SPPL3: variants seen among roughly 807,000 people sequenced by gnomAD.
SPPL3 encodes the protein signal peptide peptidase-like 3.
A neutral mutation model predicts 42.4 loss-of-function variants in SPPL3; 5 were observed. That is an observed-to-expected ratio of 0.12 (90% CI 0.06 to 0.25). SPPL3 has a LOEUF of 0.25. SPPL3 is among the 10% of genes least tolerant of loss of function. The probability of loss-of-function intolerance (pLI) is 1.00; values close to 1 mark genes in which losing one functional copy is unlikely to be tolerated. For synonymous variants in SPPL3, 195 were observed against 181.8 expected (o/e 1.07, Z -0.58); for missense variants, 235 against 489.0 (o/e 0.48, Z 4.90).
intron 1 of SPPL3, among the ~76,000 whole-genome samples, chr12:120,900,635 G>A (rs1353150148): frequency 1.3e-5 from 2 of 149,128 alleles, no homozygotes; most frequent in East Asian, 4.0e-4. Flanking sequence ...TGCCGGGTGT[G>A]GTGGCTCACG....
At chr12:120,808,630 G>C (rs748986172) in intron 2 of SPPL3, among the ~76,000 whole-genome samples, 2 of 152,124 alleles carry the variant, frequency 1.3e-5, no homozygotes, top group Non-Finnish European at 2.9e-5. Context: ...TATCATCACT[G>C]TAACAGTCCA....
chr12:120,872,951 A>C (rs1872974363), intron 1 of SPPL3, among the ~76,000 whole-genome samples: 1 of 152,194 alleles, frequency 6.6e-6, no homozygotes, highest in Non-Finnish European at 1.5e-5. Flanking sequence ...AGCAATATAA[A>C]ATTCACAATG....
chr12:120,880,990 A>T (rs181387114), intron 1 of SPPL3, among the ~76,000 whole-genome samples: 203 of 152,016 alleles, frequency 1.3e-3, no homozygotes, highest in Non-Finnish European at 2.5e-3. Context: ...GAGAAATATA[A>T]ATCAAAATCA....
intron 1 of SPPL3, chr12:120,845,471 A>C (rs897994835): frequency 4.3e-5 from 18 of 418,572 alleles, no homozygotes; most frequent in Non-Finnish European, 2.4e-5. Flanking sequence ...CAGTGAAGCT[A>C]ATATTCTTGT....
At chr12:120,870,407 C>T (rs1271464931) in intron 1 of SPPL3, among the ~76,000 whole-genome samples, 3 of 152,030 alleles carry the variant, frequency 2.0e-5, no homozygotes, top group African/African-American at 4.8e-5. Context: ...ATTGAGCACT[C>T]CAGCCTGGGC....
chr12:120,852,933 C>T (rs923276592), intron 1 of SPPL3, among the ~76,000 whole-genome samples: 3 of 131,752 alleles, frequency 2.3e-5, no homozygotes, highest in East Asian at 2.3e-4. Context: ...TCACTCTTGT[C>T]GCCCAGGCTG....
chr12:120,803,702 A>C (rs1354095377), intron 2 of SPPL3, among the ~76,000 whole-genome samples: 1 of 152,188 alleles, frequency 6.6e-6, no homozygotes, highest in Non-Finnish European at 1.5e-5. Flanking sequence ...TAGAAAACTT[A>C]CAGTGGTTTT....
intron 1 of SPPL3, among the ~76,000 whole-genome samples, chr12:120,892,174 A>G (rs1408608736): frequency 6.6e-6 from 1 of 152,206 alleles, no homozygotes; most frequent in Admixed American, 6.5e-5. Context: ...TTTCACCCCT[A>G]AAATATTCAT....
At chr12:120,887,887 T>C (rs985865715) in intron 1 of SPPL3, among the ~76,000 whole-genome samples, 1 of 152,174 alleles carries the variant, frequency 6.6e-6, no homozygotes, top group Non-Finnish European at 1.5e-5. Flanking sequence ...GTGGAGAAAT[T>C]AGAATCTCAC....
At position 120,764,986 on chromosome 12, in the gene SPPL3, T is replaced by A; in HGVS notation, c.*13A>T. 1 of 1,613,592 alleles carries A rather than the reference T, an allele frequency of 6.2e-7. No homozygotes were observed. The highest frequency in any genetic ancestry group is 8.5e-7 in the Non-Finnish European group (1 of 1,179,738). The stretch of plus-strand genomic sequence containing the variant: ...GACTATGACGGCCATCTGGTCACTT[T>A]CCACGTGATCCATCATACTTCCAGG... On this transcript the variant is annotated 3_prime_UTR_variant, in exon 11 of 11. Coordinates refer to ENST00000353487, the MANE Select transcript of SPPL3 (RefSeq NM_139015.5).
chr12:120,882,274 G>C (rs1031181676), intron 1 of SPPL3, among the ~76,000 whole-genome samples: 1 of 152,112 alleles, frequency 6.6e-6, no homozygotes. Context: ...GTCTTGGGAT[G>C]TGGATAAGAG....
chr12:120,838,722 T>C (rs1369299827), intron 1 of SPPL3, among the ~76,000 whole-genome samples: 1 of 152,192 alleles, frequency 6.6e-6, no homozygotes, highest in Non-Finnish European at 1.5e-5. Context: ...ATAGTTACCA[T>C]TCCAAGAGAG....
intron 1 of SPPL3, among the ~76,000 whole-genome samples, chr12:120,872,510 T>A (rs1315525291): frequency 6.6e-6 from 1 of 152,122 alleles, no homozygotes; most frequent in East Asian, 1.9e-4. Flanking sequence ...CTCAATGCAC[T>A]GAGGAGCCAA....
At chr12:120,794,586 C>T (rs1041556757) in intron 2 of SPPL3, among the ~76,000 whole-genome samples, 16 of 152,056 alleles carry the variant, frequency 1.1e-4, no homozygotes, top group Middle Eastern at 3.4e-3. Flanking sequence ...TTAGTAGAGA[C>T]GGGGTTTCAC....
chr12:120,788,808 C>G (rs1004132502), intron 3 of SPPL3, among the ~76,000 whole-genome samples: 2 of 152,170 alleles, frequency 1.3e-5, no homozygotes. Flanking sequence ...TTCTTTTTCT[C>G]AAAACCTTCT....
chr12:120,898,235 C>T (rs751849839), intron 1 of SPPL3, among the ~76,000 whole-genome samples: 2 of 140,826 alleles, frequency 1.4e-5, no homozygotes, highest in East Asian at 4.2e-4. Context: ...GCCTGGGAAG[C>T]GGAGGTTGCA....
chr12:120,891,840 A>T (rs1221661885), intron 1 of SPPL3, among the ~76,000 whole-genome samples: 1 of 152,264 alleles, frequency 6.6e-6, no homozygotes, highest in Admixed American at 6.5e-5. Flanking sequence ...TAAAGTATAA[A>T]TAAACTTGTA....
At chr12:120,773,537 G>T (rs1200292262) in intron 6 of SPPL3, among the ~76,000 whole-genome samples, 4 of 152,212 alleles carry the variant, frequency 2.6e-5, no homozygotes, top group Admixed American at 2.6e-4. Flanking sequence ...AAGCGGGGCA[G>T]GGAAACAGAC....
chr12:120,900,597 GAAA>G (rs10657271), intron 1 of SPPL3, among the ~76,000 whole-genome samples: 2 of 123,086 alleles, frequency 1.6e-5, no homozygotes, highest in Non-Finnish European at 1.6e-5. Flanking sequence ...CTGTCTCAAG[GAAA>G]AAAAAAAAAA....
Sources: gnomAD v4.1 joint callset for allele counts (sites outside exome capture counted in the v4.1 genomes callset) on GRCh38, gnomAD v4.1.1 for gene constraint, MANE v1.5 for transcripts, NCBI Gene and HGNC (gene_info 2026-07-23, HGNC 2026-07-21) for gene names.